Variants in IL16 observed in about 807,000 individuals in gnomAD.
The protein encoded by IL16 is interleukin 16, also known as pro-interleukin-16.
A neutral mutation model predicts 110.1 loss-of-function variants in IL16; 67 were observed. That is an observed-to-expected ratio of 0.61 (90% CI 0.50 to 0.75). The LOEUF is 0.75. Ranked by LOEUF, IL16 falls within the 30% of genes least tolerant of loss-of-function variation. The probability of loss-of-function intolerance (pLI) is 0.00; values close to 1 mark genes in which losing one functional copy is unlikely to be tolerated. For synonymous variants in IL16, 689 were observed against 662.9 expected (o/e 1.04, Z -0.61); for missense variants, 1,545 against 1,655.0 (o/e 0.93, Z 1.15).
chr15:81,289,886 AT>A (rs1344014043), intron 10 of IL16: 2 of 452,052 alleles, frequency 4.4e-6, no homozygotes, highest in Non-Finnish European at 8.9e-6. Context: ...GGGTTTTATT[AT>A]TGTTATTATT....
At chr15:81,301,254 C>G in intron 14 of IL16, 90 bp from the exon 15 acceptor site, 2 of 1,175,948 alleles carry the variant, frequency 1.7e-6, no homozygotes, top group East Asian at 4.9e-5. Context: ...AAGTGCTTGG[C>G]ACCACACCTG....
chr15:81,201,098 C>T (rs1895794500), intron 1 of IL16, among the ~76,000 whole-genome samples: 1 of 152,146 alleles, frequency 6.6e-6, no homozygotes, highest in Non-Finnish European at 1.5e-5. Flanking sequence ...CAGGACAATG[C>T]ATCCCCTGCA....
At position 81,273,071 on chromosome 15, in the gene IL16, CT is replaced by C; in HGVS notation, c.676-17del. Reference sequence around the variant, plus strand: ...ATGGAATACTACCCCTAAATCAGACCTTCTCTTTTTTTCCCCAGGGTCTGGG... The same window carrying C: ...ATGGAATACTACCCCTAAATCAGACCTCTCTTTTTTTCCCCAGGGTCTGGG... On this transcript the variant is annotated intron_variant, in intron 5 of 18. Transcript: ENST00000683961. 6.3e-7 allele frequency: 1 copy of C among 1,593,400 alleles called. No individual in the cohort carries two copies. The highest frequency in any genetic ancestry group is 8.6e-7 in the Non-Finnish European group (1 of 1,163,382).
intron 1 of IL16, among the ~76,000 whole-genome samples, chr15:81,188,002 CA>C: frequency 1.3e-5 from 2 of 152,206 alleles, no homozygotes; most frequent in South Asian, 4.2e-4. Context: ...GCAGGGGCCC[CA>C]TGGGTGGTGA....
chr15:81,278,756 A>G, intron 6 of IL16, 61 bp from the exon 7 acceptor site: 1 of 1,084,984 alleles, frequency 9.2e-7, no homozygotes, highest in South Asian at 1.2e-5. Flanking sequence ...AGTTAAAGGT[A>G]ATGATAATGC....
At chr15:81,236,196 G>A (rs1429991416) in intron 2 of IL16, among the ~76,000 whole-genome samples, 2 of 152,224 alleles carry the variant, frequency 1.3e-5, no homozygotes, top group East Asian at 3.8e-4. Flanking sequence ...GGTGGTCAAG[G>A]CCTTCCTTCA....
intron 11 of IL16, 186 bp from the exon 12 acceptor site, chr15:81,292,370 C>T: frequency 1.2e-6 from 1 of 825,638 alleles, no homozygotes; most frequent in Non-Finnish European, 2.0e-6. Flanking sequence ...ATTTTCCCAA[C>T]CCAAAGTCAT....
At chr15:81,240,093 T>C (rs1196745733) in intron 2 of IL16, among the ~76,000 whole-genome samples, 2 of 152,164 alleles carry the variant, frequency 1.3e-5, no homozygotes, top group Non-Finnish European at 2.9e-5. Flanking sequence ...TCAATGCTAT[T>C]GCACTGTGAT....
At position 81,298,357 on chromosome 15, in the gene IL16, A is replaced by G. The variant is rs148661340; in HGVS notation, c.2054-1023A>G. Among the ~76,000 whole-genome samples the G allele has an allele frequency of 3.7e-4, 57 of 152,324 alleles. No individual in the cohort carries two copies. The East Asian group carries it at 9.1e-3, about 24-fold the overall frequency. ...TCCAGTAGCAAGCATCCCCCAAGGC[A>G]CACAGGCCAGCCTCCCTCTGCCCCT... On this transcript the variant is annotated intron_variant, in intron 13 of 18. Transcript: ENST00000683961.
At chr15:81,282,102 C>T (rs566196218) in intron 8 of IL16, among the ~76,000 whole-genome samples, 3 of 152,320 alleles carry the variant, frequency 2.0e-5, no homozygotes, top group South Asian at 2.1e-4. Context: ...TCTCTCTCAC[C>T]GTCATGTGCT....
intron 5 of IL16, among the ~76,000 whole-genome samples, chr15:81,270,938 C>T (rs138659045): frequency 3.9e-5 from 6 of 152,210 alleles, no homozygotes; most frequent in African/African-American, 1.4e-4. Flanking sequence ...CCCAAGATCT[C>T]GTCACTAACA....
At chr15:81,231,612 A>G (rs867722015) in intron 2 of IL16, among the ~76,000 whole-genome samples, 43 of 152,282 alleles carry the variant, frequency 2.8e-4, no homozygotes, top group African/African-American at 1.0e-3. Flanking sequence ...CATTCCAGCA[A>G]TCCACTCACC....
intron 2 of IL16, among the ~76,000 whole-genome samples, chr15:81,228,902 A>G (rs1896879942): frequency 6.6e-6 from 1 of 152,058 alleles, no homozygotes; most frequent in Non-Finnish European, 1.5e-5. Context: ...CAGTTTTCTC[A>G]CCTGTTAAAT....
At chr15:81,195,479 A>T (rs945188791), upstream of IL16, among the ~76,000 whole-genome samples, 7 of 151,984 alleles carry the variant, frequency 4.6e-5, no homozygotes, top group Non-Finnish European at 8.8e-5. Flanking sequence ...CCTTCACTGC[A>T]CTCCAGACTC....
chr15:81,268,982 G>A (rs980300812), intron 4 of IL16, among the ~76,000 whole-genome samples: 2 of 152,204 alleles, frequency 1.3e-5, no homozygotes, highest in East Asian at 1.9e-4. Context: ...CCACTAAGCC[G>A]TATTTCCCCT....
rs150731109 is a variant in IL16, at chr15:81,218,540, C to T, written c.-101-6759C>T. ...TTAAGCATAAATTTCTATTTTGTTC[C>T]TGCAAATAGCAAATCTTTATTTTCT... On this transcript the variant is annotated intron_variant, in intron 1 of 18. Transcript: ENST00000683961. Among the ~76,000 whole-genome samples, 541 of 152,212 alleles carry T rather than the reference C, an allele frequency of 3.6e-3. 1 individual carries two copies. Among genetic ancestry groups the T allele is most frequent in the African/African-American group, 0.012 (518 of 41,534 alleles).
chr15:81,271,164 C>T (rs1898617155), intron 5 of IL16, among the ~76,000 whole-genome samples: 1 of 152,112 alleles, frequency 6.6e-6, no homozygotes, highest in Non-Finnish European at 1.5e-5. Context: ...CACTGGCTCA[C>T]GCCTATAATC....
At chr15:81,204,584 G>A (rs1417278105) in intron 1 of IL16, among the ~76,000 whole-genome samples, 2 of 152,148 alleles carry the variant, frequency 1.3e-5, no homozygotes, top group Non-Finnish European at 2.9e-5. Context: ...AGATAATCAT[G>A]TGGTTTTTGT....
At chr15:81,271,464 C>T (rs190845918) in intron 5 of IL16, among the ~76,000 whole-genome samples, 339 of 152,080 alleles carry the variant, frequency 2.2e-3, no homozygotes, top group Admixed American at 4.0e-3. Flanking sequence ...CAGAGGGAGA[C>T]GCTATCTCTA....
Sources: allele counts gnomAD v4.1 joint callset (sites outside exome capture counted in the v4.1 genomes callset), GRCh38; gene constraint gnomAD v4.1.1; transcripts MANE v1.5; gene names NCBI Gene and HGNC (gene_info 2026-07-23, HGNC 2026-07-21).